Variants in SYN3 observed in about 807,000 individuals in gnomAD.
SYN3 encodes synapsin III.
In SYN3, 35 loss-of-function variants were observed where a neutral mutation model predicts 65.8. The observed-to-expected ratio is 0.53, with a 90% CI of 0.41 to 0.70. SYN3 has a LOEUF of 0.70. SYN3 is among the 30% of genes least tolerant of loss of function. The probability of loss-of-function intolerance (pLI) is 0.00; values close to 1 mark genes in which losing one functional copy is unlikely to be tolerated. For synonymous variants in SYN3, 270 were observed against 292.9 expected (o/e 0.92, Z 0.80); for missense variants, 680 against 749.0 (o/e 0.91, Z 1.08).
intron 6 of SYN3, among the ~76,000 whole-genome samples, chr22:32,679,203 C>A (rs2060489415): frequency 6.6e-6 from 1 of 152,028 alleles, no homozygotes; most frequent in Non-Finnish European, 1.5e-5. Context: ...CAGGCACCCA[C>A]AACCACATCC....
chr22:32,872,562 A>G (rs1464382655), intron 4 of SYN3, among the ~76,000 whole-genome samples: 1 of 152,246 alleles, frequency 6.6e-6, no homozygotes, highest in Admixed American at 6.5e-5. Flanking sequence ...TGCACAATAT[A>G]TCAGGCCAAA....
At chr22:32,816,213 G>A (rs1159452628) in intron 6 of SYN3, among the ~76,000 whole-genome samples, 2 of 152,112 alleles carry the variant, frequency 1.3e-5, no homozygotes, top group Non-Finnish European at 2.9e-5. Context: ...GCAGGGGCGG[G>A]GGTAGGGGGG....
intron 1 of SYN3, among the ~76,000 whole-genome samples, chr22:33,052,931 A>C (rs1490720730): frequency 6.6e-6 from 1 of 152,232 alleles, no homozygotes; most frequent in East Asian, 1.9e-4. Context: ...CAGAACCTAC[A>C]AAGGGAGCAT....
At chr22:32,747,856 C>A (rs1408099568) in intron 6 of SYN3, among the ~76,000 whole-genome samples, 1 of 152,198 alleles carries the variant, frequency 6.6e-6, no homozygotes, top group African/African-American at 2.4e-5. Context: ...TCCACTCATG[C>A]CTGATTCTTG....
intron 1 of SYN3, among the ~76,000 whole-genome samples, chr22:33,049,016 G>C (rs535785363): frequency 1.2e-4 from 19 of 152,198 alleles, no homozygotes; most frequent in African/African-American, 4.6e-4. Context: ...TTGCACACTG[G>C]ATAGCACAGG....
chr22:32,918,497 A>G (rs942643726), intron 4 of SYN3, among the ~76,000 whole-genome samples: 2 of 152,342 alleles, frequency 1.3e-5, no homozygotes, highest in Middle Eastern at 3.4e-3. Context: ...AAAATAAATT[A>G]TACAATAGCA....
chr22:32,708,890 G>T (rs1569163664), intron 6 of SYN3, among the ~76,000 whole-genome samples: 1 of 152,256 alleles, frequency 6.6e-6, no homozygotes, highest in Non-Finnish European at 1.5e-5. Context: ...ATGACTCCGT[G>T]CGGAAGGACT....
At chr22:32,563,996 AGGTAGCCAGTTCTG>A (rs370138913) in intron 7 of SYN3, among the ~76,000 whole-genome samples, 182 of 152,216 alleles carry the variant, frequency 1.2e-3, no homozygotes, top group African/African-American at 4.0e-3. Context: ...AGAGGAAGTG[AGGTAGCCAGTTCTG>A]GGTTTTAGGA....
At chr22:32,679,048 CTT>C (rs145971116) in intron 6 of SYN3, among the ~76,000 whole-genome samples, 1,614 of 85,578 alleles carry the variant, frequency 0.019, 6 homozygotes, top group African/African-American at 0.031. Context: ...TTGTTTCTTT[CTT>C]TTTTTTTTTT....
chr22:32,911,727 C>T (rs535823442), intron 4 of SYN3, among the ~76,000 whole-genome samples: 31 of 152,196 alleles, frequency 2.0e-4, no homozygotes, highest in African/African-American at 5.1e-4. Context: ...ATGCTGTGAT[C>T]GCTCAACTGC....
At chr22:32,770,414 T>C (rs2145769867) in intron 6 of SYN3, among the ~76,000 whole-genome samples, 1 of 152,276 alleles carries the variant, frequency 6.6e-6, no homozygotes, top group South Asian at 2.1e-4. Context: ...ACAGGGCCTG[T>C]GTGATCTGCT....
chr22:32,575,739 C>T (rs1272898866), intron 7 of SYN3, among the ~76,000 whole-genome samples: 3 of 152,202 alleles, frequency 2.0e-5, no homozygotes, highest in Admixed American at 6.5e-5. Flanking sequence ...AGAGGCGCTG[C>T]TGCTAAAATG....
Position 32,626,315 on chromosome 22 carries a change from T to C in SYN3, c.712-29579A>G, listed in dbSNP as rs139192612. Among the ~76,000 whole-genome samples the C allele has an allele frequency of 7.9e-5, 12 of 152,258 alleles. No individual in the cohort carries two copies. The East Asian group carries it at 2.3e-3, about 29-fold the overall frequency. On this transcript the variant is annotated intron_variant, in intron 6 of 13. Coordinates refer to ENST00000358763, the MANE Select transcript of SYN3 (RefSeq NM_003490.4). Reference sequence around the variant, plus strand: ...GGGCACACTCAGAAGCTGAGACTTCTGTACACCTCCCAAACCTGACAACAA... The same window carrying C: ...GGGCACACTCAGAAGCTGAGACTTCCGTACACCTCCCAAACCTGACAACAA...
chr22:32,953,248 T>C (rs1023872111), intron 3 of SYN3, among the ~76,000 whole-genome samples: 1 of 152,206 alleles, frequency 6.6e-6, no homozygotes, highest in Admixed American at 6.5e-5. Flanking sequence ...ATTTATTCAT[T>C]TATTCATTTA....
At chr22:32,786,858 G>A (rs1353405383) in intron 6 of SYN3, among the ~76,000 whole-genome samples, 1 of 151,986 alleles carries the variant, frequency 6.6e-6, no homozygotes, top group Non-Finnish European at 1.5e-5. Context: ...GGGATGAAGG[G>A]CACAGGTCCT....
intron 6 of SYN3, among the ~76,000 whole-genome samples, chr22:32,672,891 C>T (rs1320039853): frequency 2.0e-5 from 3 of 152,192 alleles, no homozygotes; most frequent in African/African-American, 7.2e-5. Flanking sequence ...GGATAGTCGC[C>T]TCCCATTGGG....
At chr22:32,935,964 T>C (rs2146722803) in intron 3 of SYN3, among the ~76,000 whole-genome samples, 1 of 152,334 alleles carries the variant, frequency 6.6e-6, no homozygotes, top group African/African-American at 2.4e-5. Flanking sequence ...TTCAAGACAA[T>C]GTATATGAAA....
intron 1 of SYN3, among the ~76,000 whole-genome samples, chr22:33,012,673 G>A (rs950115266): frequency 1.3e-5 from 2 of 152,220 alleles, no homozygotes; most frequent in Non-Finnish European, 2.9e-5. Context: ...AGGTTCAACA[G>A]AGGTGCCAGT....
chr22:32,604,929 C>A (rs1010431612), intron 6 of SYN3, among the ~76,000 whole-genome samples: 1 of 150,268 alleles, frequency 6.7e-6, no homozygotes, highest in Admixed American at 6.6e-5. Flanking sequence ...TGGTGTGAAC[C>A]CGGGAGGTGG....
Sources: allele counts gnomAD v4.1 joint callset (sites outside exome capture counted in the v4.1 genomes callset), GRCh38; gene constraint gnomAD v4.1.1; transcripts MANE v1.5; gene names NCBI Gene and HGNC (gene_info 2026-07-23, HGNC 2026-07-21).